CCDC122: variants seen among roughly 807,000 people sequenced by gnomAD.
CCDC122 encodes the protein coiled-coil domain-containing protein 122.
A neutral mutation model predicts 37.0 loss-of-function variants in CCDC122; 38 were observed. That is an observed-to-expected ratio of 1.03 (90% CI 0.79 to 1.35). The LOEUF (loss-of-function observed/expected upper bound fraction) is 1.35, where lower values mean the gene tolerates loss of function less well. CCDC122 is among the 40% of genes most tolerant of loss of function. The probability of loss-of-function intolerance (pLI) is 0.00; values close to 1 mark genes in which losing one functional copy is unlikely to be tolerated. For missense variants in CCDC122, 305 were observed against 310.0 expected, an observed-to-expected ratio of 0.98 and a Z score of 0.12; for synonymous variants, 83 against 95.6, an observed-to-expected ratio of 0.87 and a Z score of 0.77.
At chr13:43,861,474 C>T (rs1016584237) in intron 4 of CCDC122, among the ~76,000 whole-genome samples, 2 of 152,176 alleles carry the variant, frequency 1.3e-5, no homozygotes. Flanking sequence ...CACCTTAGCT[C>T]TTCCCTTCTT....
chr13:43,865,421 C>T (rs1303503442), intron 4 of CCDC122, among the ~76,000 whole-genome samples: 2 of 152,028 alleles, frequency 1.3e-5, no homozygotes, highest in South Asian at 2.1e-4. Context: ...CCTCCGTGGA[C>T]GTCTGAAACC....
chr13:43,862,105 T>G (rs1954125873), intron 4 of CCDC122, among the ~76,000 whole-genome samples: 1 of 152,176 alleles, frequency 6.6e-6, no homozygotes, highest in Non-Finnish European at 1.5e-5. Context: ...TTTCAAAACA[T>G]AAATCATATC....
intron 1 of CCDC122, among the ~76,000 whole-genome samples, chr13:43,876,323 T>A (rs1392938307): frequency 6.6e-6 from 1 of 152,218 alleles, no homozygotes; most frequent in Non-Finnish European, 1.5e-5. Context: ...TAAAAACAAC[T>A]GTTTTGTTCT....
At chr13:43,851,707 C>T (rs370785816) in intron 6 of CCDC122, among the ~76,000 whole-genome samples, 4 of 152,200 alleles carry the variant, frequency 2.6e-5, no homozygotes, top group East Asian at 1.9e-4. Flanking sequence ...TTGGCTGACA[C>T]AACCCATCTG....
At position 43,858,803 on chromosome 13, in the gene CCDC122, TC is replaced by T; in HGVS notation, c.649del (p.Glu217LysfsTer3). The T allele has an allele frequency of 2.1e-6, 3 of 1,424,944 alleles. No individual in the cohort carries two copies. The highest frequency in any genetic ancestry group is 2.8e-6 in the Non-Finnish European group (3 of 1,055,688). The allele number at this position is 1,424,944 out of a possible 1,614,324, so 88.3% of individuals were successfully genotyped here. A position where few individuals can be genotyped will look rare whatever the true frequency, so the allele number is the denominator to read the frequency against. On this transcript the variant is annotated frameshift_variant, in exon 6 of 7. Transcript: ENST00000444614. LOFTEE classifies it high-confidence loss of function. ...TACCTCTATTTCTTTTCTTAATTTT[TC>T]ATGTGTCTTTTTTTCTTCCTCAAGA... ...CFLEEEKKTH[E>X]KLRKEIEVQH...
intron 6 of CCDC122, 92 bp downstream of exon 6, chr13:43,858,689 A>G (rs995577566): frequency 1.1e-6 from 1 of 893,870 alleles, no homozygotes; most frequent in African/African-American, 1.8e-5. Flanking sequence ...AACTGTTTTG[A>G]GTATTGAGAG....
intron 3 of CCDC122, among the ~76,000 whole-genome samples, chr13:43,825,064 A>G (rs969197801): frequency 5.3e-5 from 8 of 152,230 alleles, no homozygotes; most frequent in African/African-American, 1.7e-4. Flanking sequence ...CTCAAAGGAA[A>G]ATAAATTGTT....
chr13:43,833,986 T>G (rs1349435588), downstream of CCDC122, among the ~76,000 whole-genome samples: 1 of 152,218 alleles, frequency 6.6e-6, no homozygotes, highest in East Asian at 1.9e-4. Flanking sequence ...ATATTAGAGT[T>G]TATGATTGTG....
chr13:43,876,424 C>CGAGAT (rs1443599770), intron 1 of CCDC122, among the ~76,000 whole-genome samples: 5 of 152,200 alleles, frequency 3.3e-5, no homozygotes, highest in Non-Finnish European at 5.9e-5. Context: ...TAGCCAGGCA[C>CGAGAT]TATCTCTGCC....
In CCDC122 at chr13:43,873,144, C is replaced by T. The variant is rs145380686; in HGVS notation, c.-114+1698G>A. On this transcript the variant is annotated intron_variant, in intron 2 of 6. Transcript: ENST00000444614. Reference sequence around the variant, plus strand: ...CACTTATGTCACACCTCCTAGTGCTCGGTCCTCAGGCTTCCTTCTTTTCTC... The same window carrying T: ...CACTTATGTCACACCTCCTAGTGCTTGGTCCTCAGGCTTCCTTCTTTTCTC... Among the ~76,000 whole-genome samples, 712 of 152,178 alleles carry T rather than the reference C, an allele frequency of 4.7e-3. 4 individuals carry two copies. Among genetic ancestry groups the T allele is most frequent in the African/African-American group, 0.015 (610 of 41,516 alleles).
downstream of CCDC122, among the ~76,000 whole-genome samples, chr13:43,821,181 C>T (rs1050080964): frequency 4.6e-5 from 7 of 152,218 alleles, no homozygotes; most frequent in Admixed American, 3.9e-4. Context: ...GCTCAATATC[C>T]TTCTTGGACT....
At chr13:43,838,232 A>T (rs184528634) in intron 6 of CCDC122, among the ~76,000 whole-genome samples, 152 of 152,236 alleles carry the variant, frequency 1.0e-3, no homozygotes, top group African/African-American at 3.4e-3. Context: ...ATCAAATTTA[A>T]TTTGTCTAAA....
At chr13:43,834,403 G>A (rs2153868717), downstream of CCDC122, among the ~76,000 whole-genome samples, 1 of 152,246 alleles carries the variant, frequency 6.6e-6, no homozygotes, top group African/African-American at 2.4e-5. Flanking sequence ...GCATGGGCAA[G>A]GACTTCATGT....
intron 6 of CCDC122, among the ~76,000 whole-genome samples, chr13:43,838,053 T>C (rs1239105016): frequency 1.3e-5 from 2 of 152,186 alleles, no homozygotes; most frequent in Non-Finnish European, 2.9e-5. Context: ...AAGCCCTTTC[T>C]GCTCCTCATT....
At chr13:43,822,154 A>G (rs9533631), downstream of CCDC122, among the ~76,000 whole-genome samples, 140,265 of 152,254 alleles carry the variant, frequency 0.92, 64,997 homozygotes, top group South Asian at 0.98. Context: ...TCCAGGTGTT[A>G]GAAGGAACTT....
chr13:43,863,674 GTTGT>G (rs759682485), intron 4 of CCDC122, among the ~76,000 whole-genome samples: 34 of 57,592 alleles, frequency 5.9e-4, no homozygotes, highest in African/African-American at 1.4e-3. Context: ...ATTCTAGTGG[GTTGT>G]GTGTGTGTGT....
intron 3 of CCDC122, among the ~76,000 whole-genome samples, chr13:43,827,058 G>A (rs994132161): frequency 2.6e-5 from 4 of 151,962 alleles, no homozygotes; most frequent in Admixed American, 6.6e-5. Flanking sequence ...TTATTACAGC[G>A]TTTTCTTTTA....
intron 6 of CCDC122, chr13:43,855,406 C>G (rs1303619919): frequency 6.6e-6 from 1 of 151,260 alleles, no homozygotes; most frequent in African/African-American, 2.4e-5. Flanking sequence ...CCTAAGAACA[C>G]AGCCAACCAG....
intron 3 of CCDC122, among the ~76,000 whole-genome samples, chr13:43,824,522 A>C (rs1290880924): frequency 1.3e-5 from 2 of 152,376 alleles, no homozygotes; most frequent in Middle Eastern, 3.4e-3. Flanking sequence ...TAAGTCTTCA[A>C]AAGCAATTGT....
Sources: gnomAD v4.1 joint callset for allele counts (sites outside exome capture counted in the v4.1 genomes callset) on GRCh38, gnomAD v4.1.1 for gene constraint, MANE v1.5 for transcripts, NCBI Gene and HGNC (gene_info 2026-07-23, HGNC 2026-07-21) for gene names.